Variants in PHF14 observed in about 807,000 individuals in gnomAD.
PHF14 encodes PHD finger protein 14.
In PHF14, 55 loss-of-function variants were observed where a neutral mutation model predicts 117.9. That is an observed-to-expected ratio of 0.47 (90% confidence interval 0.38 to 0.58). PHF14 has a LOEUF of 0.58. PHF14 is among the 20% of genes least tolerant of loss of function. PHF14 has a pLI of 0.00. For synonymous variants in PHF14, 409 were observed against 368.6 expected (o/e 1.11, Z -1.26); for missense variants, 978 against 1,122.2 (o/e 0.87, Z 1.84).
intron 17 of PHF14, among the ~76,000 whole-genome samples, chr7:11,167,196 T>A (rs1789226871): frequency 6.6e-6 from 1 of 152,180 alleles, no homozygotes; most frequent in Non-Finnish European, 1.5e-5. Flanking sequence ...CCAAGCATGT[T>A]AAACCGGGAA....
At chr7:11,077,582 A>T (rs1785912747) in intron 16 of PHF14, among the ~76,000 whole-genome samples, 1 of 142,556 alleles carries the variant, frequency 7.0e-6, no homozygotes, top group African/African-American at 2.7e-5. Flanking sequence ...GCCTGGCAAC[A>T]GAGCGAGACT....
At chr7:11,046,567 C>T (rs1407411294) in intron 13 of PHF14, among the ~76,000 whole-genome samples, 3 of 151,884 alleles carry the variant, frequency 2.0e-5, no homozygotes, top group East Asian at 1.9e-4. Flanking sequence ...TCCCATTAAC[C>T]GCTAGTAGGA....
intron 14 of PHF14, among the ~76,000 whole-genome samples, chr7:11,054,334 T>C (rs1211955144): frequency 6.6e-6 from 1 of 152,170 alleles, no homozygotes; most frequent in Non-Finnish European, 1.5e-5. Context: ...ACGCTTATAC[T>C]AAATAAAAGT....
At position 11,036,886 on chromosome 7, in the gene PHF14, C is replaced by G. The variant is rs898342886; in HGVS notation, c.1874-99C>G. On this transcript the variant is annotated intron_variant, in intron 9 of 17. Coordinates refer to ENST00000634607, the MANE Select transcript of PHF14 (RefSeq NM_001007157.2). ...TGTAAATATACTTAAAAGTTTTAAA[C>G]TATGTAGGTTTATCAATGTGATCAT... is the stretch of plus-strand genomic sequence containing the variant. The G allele has an allele frequency of 9.2e-6, 9 of 974,898 alleles. No homozygotes were observed. In the Admixed American group the frequency reaches 1.1e-4, roughly 12 times the overall value. The allele number at this position is 974,898 out of a possible 1,614,324, so 60.4% of individuals were successfully genotyped here. A position where few individuals can be genotyped will look rare whatever the true frequency, so the allele number is the denominator to read the frequency against.
rs190847908 is a variant in PHF14, at chr7:11,041,185, A to C, written c.2180+410A>C. ...TCTATTGCCTTTGTAGGCAGTGGAT[A>C]ATGAAGATAAGTTTTAGTTTTGAGT... On this transcript the variant is annotated intron_variant, in intron 12 of 17. Coordinates refer to ENST00000634607, the MANE Select transcript of PHF14 (RefSeq NM_001007157.2). 3.0e-4 allele frequency among the ~76,000 whole-genome samples: 45 copies of C among 152,170 alleles called. No homozygotes were observed. The East Asian group carries it at 7.7e-3, about 26-fold the overall frequency.
intron 4 of PHF14, among the ~76,000 whole-genome samples, chr7:10,997,374 A>G (rs1467486942): frequency 6.6e-6 from 1 of 152,236 alleles, no homozygotes; most frequent in Admixed American, 6.5e-5. Context: ...TTTTATATAG[A>G]GAAGCCAGGA....
chr7:11,073,467 G>T (rs62440483), intron 16 of PHF14, among the ~76,000 whole-genome samples: 1 of 152,236 alleles, frequency 6.6e-6, no homozygotes, highest in Admixed American at 6.5e-5. Flanking sequence ...TACAATGGGT[G>T]GGCTCCAAAT....
chr7:11,039,102 A>G (rs1784418031), intron 11 of PHF14, among the ~76,000 whole-genome samples: 2 of 152,096 alleles, frequency 1.3e-5, no homozygotes. Flanking sequence ...CATTTGCTCT[A>G]ACTGATTGAC....
In PHF14 at chr7:10,979,545, TTCTC is replaced by T. The variant is rs1164434898; in HGVS notation, c.113-2821_113-2818del. On this transcript the variant is annotated intron_variant, in intron 2 of 17. Coordinates refer to ENST00000634607, the MANE Select transcript of PHF14 (RefSeq NM_001007157.2). ...AGTATATTTCTTTTTTTCCTTTCCTTTCTCTCTCTTTTTTTTTTTTTTTTGGAAC... is the reference window on the plus strand; with the variant it reads ...AGTATATTTCTTTTTTTCCTTTCCTTTCTCTTTTTTTTTTTTTTTTGGAAC... Among the ~76,000 whole-genome samples the T allele has an allele frequency of 6.7e-4, 101 of 151,394 alleles. 1 individual carries two copies. The highest frequency in any genetic ancestry group is 3.4e-3 in the Admixed American group (52 of 15,240).
In PHF14 at chr7:10,974,078, T is replaced by G; in HGVS notation, c.-246T>G. The G allele has an allele frequency of 2.1e-6, 1 of 483,500 alleles. No homozygotes were observed. The highest frequency in any genetic ancestry group is 3.3e-5 in the East Asian group (1 of 30,354). 30.0% of individuals were successfully genotyped at this position (483,500 alleles called of 1,614,324 possible). Reference sequence around the variant, plus strand: ...GACTGCGCTGCCTGGGCCGGAGGTCTTCTCCGGCCAGGGAGCGCTGTGGGA... The same window carrying G: ...GACTGCGCTGCCTGGGCCGGAGGTCGTCTCCGGCCAGGGAGCGCTGTGGGA... On this transcript the variant is annotated 5_prime_UTR_variant, in exon 1 of 18. Transcript: ENST00000634607.
At chr7:11,142,780 T>C (rs990190063) in intron 17 of PHF14, among the ~76,000 whole-genome samples, 1 of 152,116 alleles carries the variant, frequency 6.6e-6, no homozygotes, top group African/African-American at 2.4e-5. Context: ...AATGAAATAG[T>C]TCCTGTGTTA....
At chr7:11,004,462 C>G (rs1783009866) in intron 4 of PHF14, among the ~76,000 whole-genome samples, 2 of 150,976 alleles carry the variant, frequency 1.3e-5, no homozygotes, top group African/African-American at 4.9e-5. Flanking sequence ...TCTATTGTCA[C>G]TATGGTTTCT....
intron 13 of PHF14, among the ~76,000 whole-genome samples, chr7:11,048,418 A>G (rs1414693166): frequency 6.6e-6 from 1 of 152,068 alleles, no homozygotes; most frequent in African/African-American, 2.4e-5. Flanking sequence ...CTAAAAATAC[A>G]AAAATTAGCC....
chr7:10,974,093 G>C lies in PHF14; in HGVS notation c.-231G>C. The C allele has an allele frequency of 1.9e-6, 1 of 513,834 alleles. No individual in the cohort carries two copies. Among genetic ancestry groups the C allele is most frequent in the Non-Finnish European group, 3.5e-6 (1 of 284,348 alleles). The allele number at this position is 513,834 out of a possible 1,614,324, so 31.8% of individuals were successfully genotyped here. A position where few individuals can be genotyped will look rare whatever the true frequency, so the allele number is the denominator to read the frequency against. On this transcript the variant is annotated 5_prime_UTR_variant, in exon 1 of 18. Transcript: ENST00000634607. ...GCCGGAGGTCTTCTCCGGCCAGGGA[G>C]CGCTGTGGGAAGGGGCTCGAGCGGC...
chr7:11,095,828 C>T lies in PHF14; in HGVS notation c.2655-15522C>T, dbSNP rs527647398. Among the ~76,000 whole-genome samples, 5 of 152,184 alleles carry T rather than the reference C, an allele frequency of 3.3e-5. No homozygotes were observed. The South Asian group carries it at 1.0e-3, about 32-fold the overall frequency. On this transcript the variant is annotated intron_variant, in intron 16 of 17. Coordinates refer to ENST00000634607, the MANE Select transcript of PHF14 (RefSeq NM_001007157.2). Reference sequence around the variant, plus strand: ...TCAGCTAGAGTATGAGATAAAACCTCAACTGGATTCTGTAGATTTTTTTTT... The same window carrying T: ...TCAGCTAGAGTATGAGATAAAACCTTAACTGGATTCTGTAGATTTTTTTTT...
intron 17 of PHF14, among the ~76,000 whole-genome samples, chr7:11,135,823 C>T (rs1333130384): frequency 1.3e-5 from 2 of 152,076 alleles, no homozygotes; most frequent in Admixed American, 6.6e-5. Flanking sequence ...TTGTAATATA[C>T]GGAAGGCTTT....
chr7:10,979,598 G>A (rs1197815434), intron 2 of PHF14, among the ~76,000 whole-genome samples: 1 of 125,404 alleles, frequency 8.0e-6, no homozygotes, highest in Non-Finnish European at 1.7e-5. Flanking sequence ...ATTCTTTGAT[G>A]ACTAGGAAAT....
At chr7:11,103,425 G>T in intron 16 of PHF14, 3 of 982,266 alleles carry the variant, frequency 3.1e-6, no homozygotes, top group Non-Finnish European at 3.6e-6. Flanking sequence ...CTGAAAGAAA[G>T]ATCTTCATCA....
chr7:11,165,703 T>A (rs1330067963), intron 17 of PHF14, among the ~76,000 whole-genome samples: 2 of 152,162 alleles, frequency 1.3e-5, no homozygotes, highest in Non-Finnish European at 2.9e-5. Context: ...AATGGATAGG[T>A]TTTATTAATT....
Sources: allele counts gnomAD v4.1 joint callset (sites outside exome capture counted in the v4.1 genomes callset), GRCh38; gene constraint gnomAD v4.1.1; transcripts MANE v1.5; gene names NCBI Gene and HGNC (gene_info 2026-07-23, HGNC 2026-07-21).